STX8: variants seen among roughly 807,000 people sequenced by gnomAD.
STX8 encodes syntaxin 8, also known as syntaxin-8.
In STX8, 23 loss-of-function variants were observed where a neutral mutation model predicts 37.5. That is an observed-to-expected ratio of 0.61 (90% CI 0.44 to 0.87). The LOEUF (loss-of-function observed/expected upper bound fraction) is 0.87, where lower values mean the gene tolerates loss of function less well. Among genes scored for constraint, STX8 ranks in the 40% least tolerant of loss-of-function variants. STX8 has a pLI of 0.00. For missense variants in STX8, 313 were observed against 284.7 expected (o/e 1.10, Z -0.71); for synonymous variants, 115 against 99.1 (o/e 1.16, Z -0.95).
chr17:9,409,050 T>C (rs1311063168), intron 6 of STX8, among the ~76,000 whole-genome samples: 1 of 151,582 alleles, frequency 6.6e-6, no homozygotes, highest in Admixed American at 6.6e-5. Flanking sequence ...CCAAGTATGG[T>C]ACTCAGCCAG....
chr17:9,439,663 T>G (rs1056262737), intron 6 of STX8, among the ~76,000 whole-genome samples: 1 of 151,846 alleles, frequency 6.6e-6, no homozygotes, highest in Non-Finnish European at 1.5e-5. Flanking sequence ...GCCCAGCTAA[T>G]TTTTGTCTTT....
At chr17:9,405,792 G>C (rs1196266318) in intron 6 of STX8, among the ~76,000 whole-genome samples, 1 of 152,112 alleles carries the variant, frequency 6.6e-6, no homozygotes, top group Non-Finnish European at 1.5e-5. Context: ...TTGGTTGATG[G>C]AAGTTGCTTC....
At chr17:9,536,276 G>A (rs1321238126) in intron 4 of STX8, among the ~76,000 whole-genome samples, 1 of 152,170 alleles carries the variant, frequency 6.6e-6, no homozygotes, top group African/African-American at 2.4e-5. Flanking sequence ...GAGACCACGA[G>A]AGGAGTCACT....
chr17:9,312,008 C>T (rs112627539), intron 7 of STX8, among the ~76,000 whole-genome samples: 10 of 151,836 alleles, frequency 6.6e-5, no homozygotes, highest in African/African-American at 2.2e-4. Context: ...CCATTATGCC[C>T]AGCTAATTTT....
chr17:9,495,393 T>C (rs147450791), intron 5 of STX8, among the ~76,000 whole-genome samples: 1,806 of 152,254 alleles, frequency 0.012, 38 homozygotes, highest in African/African-American at 0.041. Context: ...ATAATCTATA[T>C]ATATAGGACT....
intron 7 of STX8, among the ~76,000 whole-genome samples, chr17:9,274,739 A>C (rs1907605306): frequency 1.5e-5 from 2 of 136,264 alleles, no homozygotes; most frequent in African/African-American, 2.6e-5. Context: ...AAAATACAAC[A>C]ATTTCTTTTT....
At chr17:9,502,882 C>T (rs1274244386) in intron 5 of STX8, among the ~76,000 whole-genome samples, 2 of 151,970 alleles carry the variant, frequency 1.3e-5, no homozygotes, top group South Asian at 2.1e-4. Flanking sequence ...TCGAGTGGAT[C>T]GCTTGAGGTC....
At chr17:9,252,032 C>T (rs1038188496) in intron 7 of STX8, among the ~76,000 whole-genome samples, 9 of 151,436 alleles carry the variant, frequency 5.9e-5, no homozygotes, top group Admixed American at 2.0e-4. Flanking sequence ...AGGCCGGGCA[C>T]GGTGCCTCAT....
At chr17:9,314,575 A>AT (rs75864623) in intron 7 of STX8, among the ~76,000 whole-genome samples, 5,617 of 128,842 alleles carry the variant, frequency 0.044, 282 homozygotes, top group African/African-American at 0.13. Context: ...AATTTTTTGT[A>AT]TTTTTTTTTT....
intron 6 of STX8, among the ~76,000 whole-genome samples, chr17:9,453,615 C>G (rs1332689135): frequency 2.6e-5 from 4 of 151,470 alleles, no homozygotes; most frequent in African/African-American, 9.7e-5. Flanking sequence ...GCCTCAGCCT[C>G]CCGAGTAGCT....
chr17:9,442,645 G>A (rs935060482), intron 6 of STX8, among the ~76,000 whole-genome samples: 1 of 152,052 alleles, frequency 6.6e-6, no homozygotes, highest in East Asian at 1.9e-4. Flanking sequence ...TGACCTCATG[G>A]GATTTGCCCA....
At chr17:9,265,941 G>A (rs143535885) in intron 7 of STX8, among the ~76,000 whole-genome samples, 7 of 152,200 alleles carry the variant, frequency 4.6e-5, no homozygotes, top group South Asian at 2.1e-4. Flanking sequence ...CTTATCATAC[G>A]GGGTGGCTGA....
intron 7 of STX8, among the ~76,000 whole-genome samples, chr17:9,251,025 G>T (rs1906557001): frequency 6.6e-6 from 1 of 152,154 alleles, no homozygotes; most frequent in African/African-American, 2.4e-5. Context: ...AAAGCAAAGG[G>T]CTTAGGAGAG....
chr17:9,419,531 G>A (rs1458886154), intron 6 of STX8, among the ~76,000 whole-genome samples: 1 of 152,216 alleles, frequency 6.6e-6, no homozygotes, highest in East Asian at 1.9e-4. Context: ...GGTGGAAGTT[G>A]AATTTCAACA....
At chr17:9,251,153 A>G (rs1489413389) in intron 7 of STX8, among the ~76,000 whole-genome samples, 1 of 152,208 alleles carries the variant, frequency 6.6e-6, no homozygotes, top group Non-Finnish European at 1.5e-5. Flanking sequence ...GTTTTGATAT[A>G]TACTTTTTCT....
chr17:9,381,289 A>C (rs1911809991), intron 6 of STX8, among the ~76,000 whole-genome samples: 1 of 143,052 alleles, frequency 7.0e-6, no homozygotes, highest in African/African-American at 2.6e-5. Flanking sequence ...TCCTGTTTTT[A>C]TAGTGACTGC....
chr17:9,395,756 T>A (rs1205209646), intron 6 of STX8, among the ~76,000 whole-genome samples: 6 of 152,204 alleles, frequency 3.9e-5, no homozygotes, highest in Admixed American at 3.3e-4. Flanking sequence ...GTATACCTTC[T>A]TTTCTCAACA....
chr17:9,486,112 C>A (rs979414570), intron 6 of STX8, among the ~76,000 whole-genome samples: 15 of 152,078 alleles, frequency 9.9e-5, no homozygotes, highest in African/African-American at 3.6e-4. Flanking sequence ...TATAAAAAAT[C>A]AAGAATCGTG....
intron 7 of STX8, among the ~76,000 whole-genome samples, chr17:9,298,737 A>G (rs926500490): frequency 6.6e-5 from 10 of 152,156 alleles, no homozygotes; most frequent in African/African-American, 2.4e-4. Context: ...GCTTGAAACC[A>G]GAAGGCGGAG....
Sources: gnomAD v4.1 joint callset for allele counts (sites outside exome capture counted in the v4.1 genomes callset) on GRCh38, gnomAD v4.1.1 for gene constraint, MANE v1.5 for transcripts, NCBI Gene and HGNC (gene_info 2026-07-23, HGNC 2026-07-21) for gene names.